CDH4: variants seen among roughly 807,000 people sequenced by gnomAD.
The protein encoded by CDH4 is cadherin-4.
A neutral mutation model predicts 86.0 loss-of-function variants in CDH4; 33 were observed. The ratio of observed to expected loss-of-function variants is 0.38; its 90% CI spans 0.29 to 0.51. The LOEUF is 0.51. Ranked by LOEUF, CDH4 falls within the 20% of genes least tolerant of loss-of-function variation. The pLI is 0.86. For synonymous variants in CDH4, 555 were observed against 549.4 expected (o/e 1.01, Z -0.14); for missense variants, 1,114 against 1,307.4 (o/e 0.85, Z 2.28).
intron 2 of CDH4, among the ~76,000 whole-genome samples, chr20:61,356,995 C>G (rs116068920): frequency 0.016 from 2,391 of 152,262 alleles, 44 homozygotes; most frequent in African/African-American, 0.042. Flanking sequence ...TGTAGTGGGC[C>G]TGAACTCCGT....
At chr20:61,579,152 C>A (rs1246056016) in intron 2 of CDH4, among the ~76,000 whole-genome samples, 1 of 152,144 alleles carries the variant, frequency 6.6e-6, no homozygotes, top group Non-Finnish European at 1.5e-5. Context: ...CCCAAATGGA[C>A]AAGTAGGTAC....
In CDH4 at chr20:61,708,464, G is replaced by A. The variant is rs145370756; in HGVS notation, c.170-35099G>A. Among the ~76,000 whole-genome samples, 139 of 152,064 alleles carry A rather than the reference G, an allele frequency of 9.1e-4. No individual in the cohort carries two copies. The highest frequency in any genetic ancestry group is 3.5e-3 in the Admixed American group (53 of 15,280). ...AGCATCCACCTCCTGCCACAGTCAG[G>A]GGGCTATGGAGAAACCCAATCCAGG... On this transcript the variant is annotated intron_variant, in intron 2 of 15. Coordinates refer to ENST00000614565, the MANE Select transcript of CDH4 (RefSeq NM_001794.5). The surrounding 1 kb of genome is among the most constrained non-coding windows in gnomAD (Gnocchi z 4.5).
At chr20:61,327,572 C>A (rs1477477874) in intron 2 of CDH4, among the ~76,000 whole-genome samples, 1 of 152,058 alleles carries the variant, frequency 6.6e-6, no homozygotes, top group Non-Finnish European at 1.5e-5. Flanking sequence ...GTCAGATTGG[C>A]GAAGATTAGA....
intron 6 of CDH4, among the ~76,000 whole-genome samples, chr20:61,861,134 G>C (rs1321307027): frequency 6.6e-6 from 1 of 152,182 alleles, no homozygotes; most frequent in Non-Finnish European, 1.5e-5. Flanking sequence ...AACCGCACTG[G>C]ACGTGGGCTC....
At position 61,393,100 on chromosome 20, in the gene CDH4, T is replaced by C. The variant is rs1392982925; in HGVS notation, c.169+138163T>C. On this transcript the variant is annotated intron_variant, in intron 2 of 15. Transcript: ENST00000614565. The surrounding 1 kb of genome is among the most constrained non-coding windows in gnomAD (Gnocchi z 4.3). ...AATTTCTTACTGAATTGATTCCCAC[T>C]GAATCTCTGTAGAAATATCCTCTTT... is the stretch of plus-strand genomic sequence containing the variant. 6.7e-6 allele frequency among the ~76,000 whole-genome samples: 1 copy of C among 150,162 alleles called. No individual in the cohort carries two copies. The highest frequency in any genetic ancestry group is 1.5e-5 in the Non-Finnish European group (1 of 67,656).
In CDH4 at chr20:61,698,505, G is replaced by A. The variant is rs987313451; in HGVS notation, c.170-45058G>A. Among the ~76,000 whole-genome samples the A allele has an allele frequency of 4.6e-5, 7 of 152,260 alleles. No homozygotes were observed. In the East Asian group the frequency reaches 5.8e-4, roughly 13 times the overall value. On this transcript the variant is annotated intron_variant, in intron 2 of 15. Transcript: ENST00000614565. ...CCGGGGCTGGTGACTGCAGGTGCCCGCAGAGGGCACGGGGGACGTGCCCTT... is the reference window on the plus strand; with the variant it reads ...CCGGGGCTGGTGACTGCAGGTGCCCACAGAGGGCACGGGGGACGTGCCCTT...
rs556650261 is a variant in CDH4 at position 61,667,050 on chromosome 20, G to A, written c.170-76513G>A. On this transcript the variant is annotated intron_variant, in intron 2 of 15. Transcript: ENST00000614565. ...CAGTCTGTATGGACCGTGCCCTTTG[G>A]GCATGACGCCACCATCTCATAAGCT... Among the ~76,000 whole-genome samples, 5 of 152,358 alleles carry A rather than the reference G, an allele frequency of 3.3e-5. No homozygotes were observed. The East Asian group carries it at 9.6e-4, about 29-fold the overall frequency.
At chr20:61,607,967 C>G (rs2086657764) in intron 2 of CDH4, among the ~76,000 whole-genome samples, 1 of 152,186 alleles carries the variant, frequency 6.6e-6, no homozygotes, top group South Asian at 2.1e-4. Context: ...CTGAGGCTTC[C>G]TCCTCTCCTT....
At chr20:61,798,925 G>A (rs1979691615) in intron 4 of CDH4, among the ~76,000 whole-genome samples, 1 of 152,172 alleles carries the variant, frequency 6.6e-6, no homozygotes, top group Non-Finnish European at 1.5e-5. Flanking sequence ...CGATGACCCG[G>A]GCTCCTTTCG....
At chr20:61,491,937 A>C (rs927079721) in intron 2 of CDH4, among the ~76,000 whole-genome samples, 1 of 149,972 alleles carries the variant, frequency 6.7e-6, no homozygotes, top group Non-Finnish European at 1.5e-5. Flanking sequence ...TGATACTGTT[A>C]GTGGTGCTGA....
intron 2 of CDH4, among the ~76,000 whole-genome samples, chr20:61,735,427 C>T (rs1442562723): frequency 6.6e-6 from 1 of 152,168 alleles, no homozygotes; most frequent in Non-Finnish European, 1.5e-5. Context: ...TCCTCTGTTT[C>T]TTATACCCCC....
chr20:61,768,525 C>T (rs1018266497), intron 3 of CDH4, among the ~76,000 whole-genome samples: 2 of 152,160 alleles, frequency 1.3e-5, no homozygotes, highest in African/African-American at 4.8e-5. Flanking sequence ...AAACAGGCAC[C>T]AGGGAAAATC....
intron 2 of CDH4, among the ~76,000 whole-genome samples, chr20:61,316,311 G>A (rs752452458): frequency 4.6e-5 from 7 of 152,218 alleles, no homozygotes; most frequent in South Asian, 2.1e-4. Context: ...CTGGAACATC[G>A]GAGATGGAAA....
At chr20:61,479,475 GT>G (rs1217449319) in intron 2 of CDH4, among the ~76,000 whole-genome samples, 1 of 151,918 alleles carries the variant, frequency 6.6e-6, no homozygotes, top group African/African-American at 2.4e-5. Flanking sequence ...CCTTGCGATA[GT>G]TTGCTGCTAT....
intron 2 of CDH4, among the ~76,000 whole-genome samples, chr20:61,595,658 T>G (rs1317943213): frequency 2.0e-5 from 3 of 152,204 alleles, no homozygotes; most frequent in Non-Finnish European, 4.4e-5. Context: ...TTAGCCATGG[T>G]TCCGAGGCAC....
Position 61,870,813 on chromosome 20 carries a change from C to T in CDH4, c.878-2915C>T, listed in dbSNP as rs532218320. On this transcript the variant is annotated intron_variant, in intron 6 of 15. Transcript: ENST00000614565. ...TGCGCCAACATTGGCTTCACTTGCT[C>T]GGGGATTCCTGGCTTGATGAAGGCT... Among the ~76,000 whole-genome samples the T allele has an allele frequency of 4.6e-5, 7 of 152,250 alleles. No homozygotes were observed. The South Asian group carries it at 6.2e-4, about 14-fold the overall frequency.
chr20:61,295,068 G>C (rs1433991070), intron 2 of CDH4, among the ~76,000 whole-genome samples: 1 of 152,236 alleles, frequency 6.6e-6, no homozygotes, highest in Non-Finnish European at 1.5e-5. Context: ...AACAGCCTTT[G>C]GGGATGACTT....
intron 2 of CDH4, among the ~76,000 whole-genome samples, chr20:61,423,651 T>G (rs1272929584): frequency 6.6e-6 from 1 of 152,146 alleles, no homozygotes; most frequent in Non-Finnish European, 1.5e-5. Context: ...ATTGCGTCCC[T>G]TCTTTTACTT....
chr20:61,573,436 CAGA>C (rs1323034855), intron 2 of CDH4, among the ~76,000 whole-genome samples: 1 of 152,222 alleles, frequency 6.6e-6, no homozygotes, highest in Non-Finnish European at 1.5e-5. Flanking sequence ...TCTCCAGAAG[CAGA>C]AGGACTGTTG....
Sources: allele counts gnomAD v4.1 joint callset (sites outside exome capture counted in the v4.1 genomes callset), GRCh38; gene constraint gnomAD v4.1.1; non-coding constraint Gnocchi (gnomAD v3.1); transcripts MANE v1.5; gene names NCBI Gene and HGNC (gene_info 2026-07-23, HGNC 2026-07-21).